Variants in ETFBKMT observed in about 807,000 individuals in gnomAD.
ETFBKMT encodes the protein electron transfer flavoprotein subunit beta lysine methyltransferase.
Under a neutral mutation model 18.3 loss-of-function variants are expected in ETFBKMT, and 13 were observed. That is an observed-to-expected ratio of 0.71 (90% CI 0.46 to 1.13). ETFBKMT has a LOEUF of 1.13. Among genes scored for constraint, ETFBKMT ranks in the 50% most tolerant of loss-of-function variants. ETFBKMT has a pLI of 0.00. For missense variants in ETFBKMT, 293 were observed against 306.2 expected (o/e 0.96, Z 0.32); for synonymous variants, 84 against 107.9 (o/e 0.78, Z 1.37).
chr12:31,669,933 C>T lies in ETFBKMT; in HGVS notation c.*1943C>T, dbSNP rs1002140613. On this transcript the variant is annotated 3_prime_UTR_variant, in exon 4 of 4. Coordinates refer to ENST00000357721, the MANE Select transcript of ETFBKMT (RefSeq NM_001135863.2). ...CTCCTGGGTTAAAGTGATTCTCCTG[C>T]CTCAGCCTCCTGAGTAGCTGGGATT... 2 of 152,234 alleles carry T rather than the reference C, an allele frequency of 1.3e-5. No individual in the cohort carries two copies. Among genetic ancestry groups the T allele is most frequent in the African/African-American group, 2.4e-5 (1 of 41,356 alleles). 9.4% of individuals were successfully genotyped at this position (152,234 alleles called of 1,614,324 possible). A position where few individuals can be genotyped will look rare whatever the true frequency, so the allele number is the denominator to read the frequency against.
chr12:31,651,260 C>T (rs1450041703), intron 1 of ETFBKMT, among the ~76,000 whole-genome samples: 1 of 151,956 alleles, frequency 6.6e-6, no homozygotes, highest in Non-Finnish European at 1.5e-5. Context: ...CGTGTCCATT[C>T]CTACCTTTAG....
Position 31,672,740 on chromosome 12 carries a change from A to C in ETFBKMT, c.*4750A>C, listed in dbSNP as rs548264705. 1 of 185,976 alleles carries C rather than the reference A, an allele frequency of 5.4e-6. No individual in the cohort carries two copies. The highest frequency in any genetic ancestry group is 1.1e-4 in the South Asian group (1 of 9,116). The allele number at this position is 185,976 out of a possible 1,614,324, so 11.5% of individuals were successfully genotyped here. A position where few individuals can be genotyped will look rare whatever the true frequency, so the allele number is the denominator to read the frequency against. ...CTTAGCCGGAAATAGATGATTCACT[A>C]AAGTGGGGTGACTGAACAGCATTTA... On this transcript the variant is annotated 3_prime_UTR_variant, in exon 4 of 4. Coordinates refer to ENST00000357721, the MANE Select transcript of ETFBKMT (RefSeq NM_001135863.2).
chr12:31,659,116 C>T (rs1051795062), upstream of ETFBKMT: 1 of 152,152 alleles, frequency 6.6e-6, no homozygotes, highest in African/African-American at 2.4e-5. Flanking sequence ...TCAGGGCGCC[C>T]TTTGGTTTCG....
rs1383655929 is a variant in ETFBKMT at position 31,659,759 on chromosome 12, A to C, written c.-144A>C. 6.6e-6 allele frequency: 1 copy of C among 152,192 alleles called. No individual in the cohort carries two copies. The highest frequency in any genetic ancestry group is 2.4e-5 in the African/African-American group (1 of 41,446). 9.4% of individuals were successfully genotyped at this position (152,192 alleles called of 1,614,324 possible). A position where few individuals can be genotyped will look rare whatever the true frequency, so the allele number is the denominator to read the frequency against. On this transcript the variant is annotated 5_prime_UTR_variant, in exon 1 of 4. Transcript: ENST00000357721. ...CACTGATGTGGGGTAACTAACACCC[A>C]CTGGAAGTCTACGCTGAGTTCACAG...
upstream of ETFBKMT, among the ~76,000 whole-genome samples, chr12:31,658,998 C>A (rs760437948): frequency 1.3e-5 from 2 of 148,468 alleles, no homozygotes; most frequent in African/African-American, 2.5e-5. Flanking sequence ...CCTGGAAGTG[C>A]GACTGGCACA....
At chr12:31,649,416 C>T (rs1205768311) in intron 1 of ETFBKMT, among the ~76,000 whole-genome samples, 1 of 152,146 alleles carries the variant, frequency 6.6e-6, no homozygotes, top group African/African-American at 2.4e-5. Flanking sequence ...AGGCATCCCT[C>T]CTTTTACTGT....
intron 1 of ETFBKMT, among the ~76,000 whole-genome samples, chr12:31,647,668 A>G (rs2139605065): frequency 6.6e-6 from 1 of 152,266 alleles, no homozygotes; most frequent in East Asian, 1.9e-4. Flanking sequence ...GTCTCTACTA[A>G]AAATACAAAA....
At chr12:31,653,420 T>C (rs201515042) in intron 1 of ETFBKMT, among the ~76,000 whole-genome samples, 1 of 135,328 alleles carries the variant, frequency 7.4e-6, no homozygotes, top group Non-Finnish European at 1.6e-5. Context: ...GTGAGGATTC[T>C]AGTGTCAGTT....
rs1951289772 is a variant in ETFBKMT at position 31,672,290 on chromosome 12, T to G, written c.*4300T>G. The G allele has an allele frequency of 6.4e-7, 1 of 1,556,838 alleles. No homozygotes were observed. Among genetic ancestry groups the G allele is most frequent in the Non-Finnish European group, 8.7e-7 (1 of 1,146,052 alleles). ...TGATAAGCTTTCCTAGCATTGATCATCTTCAAAAAAGCATCAATAAACAGT... is the reference window on the plus strand; with the variant it reads ...TGATAAGCTTTCCTAGCATTGATCAGCTTCAAAAAAGCATCAATAAACAGT... On this transcript the variant is annotated 3_prime_UTR_variant, in exon 4 of 4. Transcript: ENST00000357721.
chr12:31,668,888 T>G lies in ETFBKMT; in HGVS notation c.*898T>G, dbSNP rs1443327329. ...CATCATTCTTGCGTGTTGTATGCTT[T>G]TCGCATTAGAGCCCTTTGCATGTTA... is the stretch of plus-strand genomic sequence containing the variant. On this transcript the variant is annotated 3_prime_UTR_variant, in exon 4 of 4. Transcript: ENST00000357721. The G allele has an allele frequency of 1.3e-5, 2 of 152,236 alleles. No homozygotes were observed. Among genetic ancestry groups the G allele is most frequent in the African/African-American group, 4.8e-5 (2 of 41,460 alleles). 9.4% of individuals were successfully genotyped at this position (152,236 alleles called of 1,614,324 possible).
Position 31,668,078 on chromosome 12 carries a change from T to G in ETFBKMT, c.*88T>G. The stretch of plus-strand genomic sequence containing the variant: ...CTATAGGAGATACTCTCCAGTTTAA[T>G]GAATGTAATTCTTGTTAAATGGAAA... On this transcript the variant is annotated 3_prime_UTR_variant, in exon 4 of 4. Coordinates refer to ENST00000357721, the MANE Select transcript of ETFBKMT (RefSeq NM_001135863.2). The G allele has an allele frequency of 9.8e-7, 1 of 1,018,052 alleles. No individual in the cohort carries two copies. The highest frequency in any genetic ancestry group is 1.4e-6 in the Non-Finnish European group (1 of 699,070). The allele number at this position is 1,018,052 out of a possible 1,614,324, so 63.1% of individuals were successfully genotyped here. A position where few individuals can be genotyped will look rare whatever the true frequency, so the allele number is the denominator to read the frequency against.
upstream of ETFBKMT, among the ~76,000 whole-genome samples, chr12:31,655,708 C>A (rs975847272): frequency 6.6e-6 from 1 of 152,200 alleles, no homozygotes; most frequent in Non-Finnish European, 1.5e-5. Context: ...TTGCTTCACG[C>A]CTATCTCCCT....
rs1334807509 is a variant in ETFBKMT, at chr12:31,672,170, G to T, written c.*4180G>T. On this transcript the variant is annotated 3_prime_UTR_variant, in exon 4 of 4. Coordinates refer to ENST00000357721, the MANE Select transcript of ETFBKMT (RefSeq NM_001135863.2). ...TATACCAAGACTTAGCTAATTCTCT[G>T]AGAGTTATAACTTAAGACAATAAAA... is the stretch of plus-strand genomic sequence containing the variant. 1.5e-6 allele frequency: 1 copy of T among 650,494 alleles called. No homozygotes were observed. The highest frequency in any genetic ancestry group is 1.8e-5 in the African/African-American group (1 of 54,544). The allele number at this position is 650,494 out of a possible 1,614,324, so 40.3% of individuals were successfully genotyped here.
upstream of ETFBKMT, among the ~76,000 whole-genome samples, chr12:31,657,848 C>T (rs1408116118): frequency 7.0e-6 from 1 of 143,104 alleles, no homozygotes; most frequent in Non-Finnish European, 1.5e-5. Context: ...TAGAGATAGA[C>T]AAGTTATAGG....
At chr12:31,653,477 C>T (rs1466085867) in intron 1 of ETFBKMT, among the ~76,000 whole-genome samples, 1 of 152,058 alleles carries the variant, frequency 6.6e-6, no homozygotes, top group Non-Finnish European at 1.5e-5. Flanking sequence ...AAAAGTTTGC[C>T]CGGTTACTAA....
chr12:31,649,790 ATC>A (rs1950999314), intron 1 of ETFBKMT, among the ~76,000 whole-genome samples: 5 of 144,760 alleles, frequency 3.5e-5, no homozygotes, highest in African/African-American at 1.3e-4. Flanking sequence ...TTGAGACAGA[ATC>A]TCTCTCCGTA....
At chr12:31,647,202 C>T (rs1250543994) in exon 1 of ETFBKMT, 1 of 152,478 alleles carries the variant, frequency 6.6e-6, no homozygotes, top group Non-Finnish European at 1.5e-5. Flanking sequence ...AGTCCAGGCC[C>T]TCCACCAGCC....
At chr12:31,660,363 C>A (rs1321571582) in intron 1 of ETFBKMT, among the ~76,000 whole-genome samples, 1 of 152,038 alleles carries the variant, frequency 6.6e-6, no homozygotes, top group Non-Finnish European at 1.5e-5. Context: ...TGTCCAGCCC[C>A]TTGTGGGGAT....
At position 31,665,486 on chromosome 12, in the gene ETFBKMT, CCTTTT is replaced by C. The variant is rs544566526; in HGVS notation, c.315-590_315-586del. 1.5e-3 allele frequency among the ~76,000 whole-genome samples: 219 copies of C among 150,002 alleles called. 2 individuals carry two copies. Among genetic ancestry groups the C allele is most frequent in the Non-Finnish European group, 2.4e-3 (163 of 67,990 alleles). ...TAAAGACATCTCTTTTCTTTCTTTTCCTTTTCTTTTCTTTTTTCTTTTTTTGCATA... is the reference window on the plus strand; with the variant it reads ...TAAAGACATCTCTTTTCTTTCTTTTCCTTTTCTTTTTTCTTTTTTTGCATA... On this transcript the variant is annotated intron_variant, in intron 2 of 3. Transcript: ENST00000357721.
Sources: gnomAD v4.1 joint callset for allele counts (sites outside exome capture counted in the v4.1 genomes callset) on GRCh38, gnomAD v4.1.1 for gene constraint, MANE v1.5 for transcripts, NCBI Gene and HGNC (gene_info 2026-07-23, HGNC 2026-07-21) for gene names.